The following CCSER1 variants were observed in gnomAD, a reference collection of about 807,000 sequenced individuals.
CCSER1 encodes serine-rich coiled-coil domain-containing protein 1.
Under a neutral mutation model 82.0 loss-of-function variants are expected in CCSER1, and 41 were observed. The observed-to-expected ratio is 0.50, with a 90% CI of 0.39 to 0.65. CCSER1 has a LOEUF of 0.65. CCSER1 is among the 30% of genes least tolerant of loss of function. The probability of loss-of-function intolerance (pLI) is 0.00; values close to 1 mark genes in which losing one functional copy is unlikely to be tolerated. For synonymous variants in CCSER1, 414 were observed against 383.9 expected (o/e 1.08, Z -0.92); for missense variants, 1,119 against 1,064.2 (o/e 1.05, Z -0.72).
At chr4:90,277,823 A>G (rs1229044283) in intron 1 of CCSER1, among the ~76,000 whole-genome samples, 2 of 152,178 alleles carry the variant, frequency 1.3e-5, no homozygotes, top group African/African-American at 4.8e-5. Flanking sequence ...CAGCAAAAAA[A>G]TTGACAAGTG....
intron 6 of CCSER1, among the ~76,000 whole-genome samples, chr4:90,699,275 C>T (rs1300653378): frequency 2.0e-5 from 3 of 151,922 alleles, no homozygotes; most frequent in Admixed American, 1.3e-4. Context: ...ACCAGGCTGG[C>T]GAACATGGCA....
chr4:91,178,628 A>G (rs1474955151), intron 10 of CCSER1, among the ~76,000 whole-genome samples: 3 of 151,684 alleles, frequency 2.0e-5, no homozygotes, highest in Non-Finnish European at 4.4e-5. Context: ...AGGATTGCAA[A>G]CCCTACCTTT....
At chr4:90,477,395 G>A (rs1395521304) in intron 5 of CCSER1, among the ~76,000 whole-genome samples, 1 of 152,114 alleles carries the variant, frequency 6.6e-6, no homozygotes, top group African/African-American at 2.4e-5. Flanking sequence ...GCTTTGTAAG[G>A]TCATTGTGAA....
chr4:90,716,305 A>G (rs2149346015), intron 6 of CCSER1, among the ~76,000 whole-genome samples: 1 of 152,094 alleles, frequency 6.6e-6, no homozygotes, highest in African/African-American at 2.4e-5. Context: ...AAAAATTTTT[A>G]AAAAGTAGTA....
chr4:91,034,466 T>C (rs538996518), intron 9 of CCSER1, among the ~76,000 whole-genome samples: 33 of 152,318 alleles, frequency 2.2e-4, no homozygotes, highest in Admixed American at 1.7e-3. Flanking sequence ...AGCTTGAATA[T>C]CCAGAGCACA....
intron 10 of CCSER1, among the ~76,000 whole-genome samples, chr4:91,562,692 A>G (rs1223593876): frequency 6.6e-6 from 1 of 151,620 alleles, no homozygotes; most frequent in Non-Finnish European, 1.5e-5. Flanking sequence ...AGGATCTTCC[A>G]TGCAGAGAGT....
chr4:91,538,698 C>CATTAT (rs1761425492), intron 10 of CCSER1, among the ~76,000 whole-genome samples: 1 of 138,340 alleles, frequency 7.2e-6, no homozygotes, highest in East Asian at 2.1e-4. Context: ...TATATATACA[C>CATTAT]ATATATATAT....
chr4:90,789,267 T>C (rs1309741749), intron 7 of CCSER1, among the ~76,000 whole-genome samples: 1 of 152,212 alleles, frequency 6.6e-6, no homozygotes, highest in Non-Finnish European at 1.5e-5. Context: ...CTCTCTGTTA[T>C]GTCTAACATA....
chr4:91,372,302 G>A (rs1452356854), intron 10 of CCSER1, among the ~76,000 whole-genome samples: 1 of 152,060 alleles, frequency 6.6e-6, no homozygotes, highest in Non-Finnish European at 1.5e-5. Flanking sequence ...GTATATACAA[G>A]TTTAACCATA....
intron 10 of CCSER1, among the ~76,000 whole-genome samples, chr4:91,087,686 G>A (rs1382213545): frequency 6.6e-6 from 1 of 152,070 alleles, no homozygotes; most frequent in African/African-American, 2.4e-5. Flanking sequence ...AAAAAGCTAA[G>A]ATCATCAAAT....
intron 9 of CCSER1, among the ~76,000 whole-genome samples, chr4:91,056,449 T>A (rs957802492): frequency 5.9e-5 from 9 of 152,158 alleles, no homozygotes; most frequent in Non-Finnish European, 8.8e-5. Context: ...CCCAATTTCT[T>A]TCTTTGCCCT....
intron 5 of CCSER1, among the ~76,000 whole-genome samples, chr4:90,547,179 T>A (rs1435731193): frequency 8.5e-6 from 1 of 117,974 alleles, no homozygotes. Context: ...GGAGTGATAG[T>A]TTGTTGATGC....
At chr4:90,446,773 C>A (rs759524209) in intron 4 of CCSER1, among the ~76,000 whole-genome samples, 1 of 152,140 alleles carries the variant, frequency 6.6e-6, no homozygotes, top group Non-Finnish European at 1.5e-5. Flanking sequence ...GCTTCCCCTT[C>A]CACCTTATCC....
At chr4:91,553,007 A>G (rs1762229955) in intron 10 of CCSER1, among the ~76,000 whole-genome samples, 1 of 151,350 alleles carries the variant, frequency 6.6e-6, no homozygotes, top group South Asian at 2.1e-4. Flanking sequence ...GTTAGCTGTG[A>G]TTTGTTTTGT....
chr4:91,113,216 T>C (rs1226785613), intron 10 of CCSER1, among the ~76,000 whole-genome samples: 12 of 152,216 alleles, frequency 7.9e-5, no homozygotes. Context: ...AGGAAGTGTT[T>C]ATTAAACATT....
intron 3 of CCSER1, among the ~76,000 whole-genome samples, chr4:90,339,399 C>A (rs1740980528): frequency 6.6e-6 from 1 of 152,082 alleles, no homozygotes; most frequent in South Asian, 2.1e-4. Flanking sequence ...CTCAATTGAT[C>A]CTTTTAATAT....
chr4:90,438,622 ACATAAT>A (rs1467918807), intron 4 of CCSER1, among the ~76,000 whole-genome samples: 1 of 152,198 alleles, frequency 6.6e-6, no homozygotes, highest in Non-Finnish European at 1.5e-5. Flanking sequence ...TGTTTTACTG[ACATAAT>A]CATAAAGTCT....
chr4:90,362,344 A>G (rs1745521575), intron 3 of CCSER1, among the ~76,000 whole-genome samples: 1 of 152,212 alleles, frequency 6.6e-6, no homozygotes, highest in African/African-American at 2.4e-5. Flanking sequence ...TGCTGAAGGT[A>G]TTTAATATAA....
intron 10 of CCSER1, among the ~76,000 whole-genome samples, chr4:91,087,320 C>T (rs112621241): frequency 0.015 from 2,227 of 152,078 alleles, 52 homozygotes; most frequent in African/African-American, 0.049. Flanking sequence ...TCTATATATC[C>T]GTACGATGGC....
Sources: gnomAD v4.1 joint callset for allele counts (sites outside exome capture counted in the v4.1 genomes callset) on GRCh38, gnomAD v4.1.1 for gene constraint, MANE v1.5 for transcripts, NCBI Gene and HGNC (gene_info 2026-07-23, HGNC 2026-07-21) for gene names.